Variants in ATP13A3 observed in about 807,000 individuals in gnomAD.
The protein encoded by ATP13A3 is polyamine-transporting ATPase 13A3.
In ATP13A3, 59 loss-of-function variants were observed where a neutral mutation model predicts 158.1. The observed-to-expected ratio is 0.37, with a 90% CI of 0.30 to 0.46. The LOEUF (loss-of-function observed/expected upper bound fraction) is 0.46. Ranked by LOEUF, ATP13A3 falls within the 20% of genes least tolerant of loss-of-function variation. ATP13A3 has a pLI of 1.00. For synonymous variants in ATP13A3, 491 were observed against 504.3 expected (o/e 0.97, Z 0.35); for missense variants, 1,166 against 1,525.2 (o/e 0.76, Z 3.92).
At position 194,468,434 on chromosome 3, in the gene ATP13A3, A is replaced by G. The variant is rs923011908; in HGVS notation, c.-46-6198T>C. 2.5e-5 allele frequency among the ~76,000 whole-genome samples: 3 copies of G among 117,988 alleles called. No individual in the cohort carries two copies. In the East Asian group the frequency reaches 6.7e-4, roughly 26 times the overall value. 77.4% of individuals were successfully genotyped at this position (117,988 alleles called of 152,430 possible). ...TATGGGACAAAGTGAAGCTACTGGG[A>G]AAAAAAATCTCACTACATTAAATAT... is the stretch of plus-strand genomic sequence containing the variant. On this transcript the variant is annotated intron_variant, in intron 2 of 33. Coordinates refer to ENST00000645319, the MANE Select transcript of ATP13A3 (RefSeq NM_001367549.1).
intron 6 of ATP13A3, 189 bp downstream of exon 6, chr3:194,459,282 C>G (rs1719467615): frequency 1.8e-6 from 1 of 557,416 alleles, no homozygotes; most frequent in African/African-American, 1.9e-5. Flanking sequence ...ATGGTGCAAG[C>G]TGCGGTGGGA....
chr3:194,426,959 A>T, intron 29 of ATP13A3, 116 bp downstream of exon 29: 2 of 1,081,318 alleles, frequency 1.8e-6, no homozygotes, highest in Non-Finnish European at 2.7e-6. Flanking sequence ...TACTAGGACT[A>T]CAGGTGTGAG....
intron 33 of ATP13A3, among the ~76,000 whole-genome samples, chr3:194,409,086 A>C (rs2108705548): frequency 6.6e-6 from 1 of 152,358 alleles, no homozygotes. Context: ...CAGTGACCAA[A>C]TTCATCCCCT....
intron 28 of ATP13A3, among the ~76,000 whole-genome samples, chr3:194,428,220 C>CAAAAAAA (rs1188178641): frequency 3.5e-5 from 2 of 57,942 alleles, no homozygotes; most frequent in Non-Finnish European, 6.5e-5. Flanking sequence ...GACTCTGTCT[C>CAAAAAAA]AAAAAAAAAA....
intron 2 of ATP13A3, among the ~76,000 whole-genome samples, chr3:194,481,062 C>G (rs897469111): frequency 2.6e-5 from 4 of 152,132 alleles, no homozygotes; most frequent in Non-Finnish European, 5.9e-5. Context: ...ATTTTGACTA[C>G]ACAGGATTTT....
Position 194,403,186 on chromosome 3 carries a change from T to C in ATP13A3, c.*2733A>G, listed in dbSNP as rs1224351758. 6.6e-6 allele frequency: 1 copy of C among 152,236 alleles called. No individual in the cohort carries two copies. The highest frequency in any genetic ancestry group is 1.5e-5 in the Non-Finnish European group (1 of 68,036). The allele number at this position is 152,236 out of a possible 1,614,324, so 9.4% of individuals were successfully genotyped here. ...ATATTATTTACCATGCCTTTGAAACTGTGCAGGACTTTCATAAACATGGGG... is the reference window on the plus strand; with the variant it reads ...ATATTATTTACCATGCCTTTGAAACCGTGCAGGACTTTCATAAACATGGGG... On this transcript the variant is annotated 3_prime_UTR_variant, in exon 34 of 34. Transcript: ENST00000645319.
intron 24 of ATP13A3, 77 bp downstream of exon 24, chr3:194,430,865 AT>A (rs1317594239): frequency 1.4e-5 from 16 of 1,140,274 alleles, no homozygotes; most frequent in Non-Finnish European, 2.0e-5. Flanking sequence ...TAAGAAACAT[AT>A]AAAAATTATT....
rs1217596489 is a variant in ATP13A3 at position 194,441,480 on chromosome 3, G to C, written c.1560-19C>G. On this transcript the variant is annotated intron_variant, in intron 15 of 33. Coordinates refer to ENST00000645319, the MANE Select transcript of ATP13A3 (RefSeq NM_001367549.1). ...AAGAAATCTAAGCAGAAGACACACT[G>C]AATTAGTTTCATAAATTCTAAGATT... 6.3e-7 allele frequency: 1 copy of C among 1,598,282 alleles called. No individual in the cohort carries two copies. Among genetic ancestry groups the C allele is most frequent in the East Asian group, 2.2e-5 (1 of 44,712 alleles).
chr3:194,487,154 A>AAAAG (rs1407344050), upstream of ATP13A3, among the ~76,000 whole-genome samples: 5 of 152,202 alleles, frequency 3.3e-5, no homozygotes, highest in South Asian at 1.0e-3. Flanking sequence ...TCGAACGGGC[A>AAAAG]AAAGAAAGAA....
intron 33 of ATP13A3, among the ~76,000 whole-genome samples, chr3:194,408,310 C>T (rs952444759): frequency 8.5e-5 from 13 of 152,292 alleles, no homozygotes; most frequent in Admixed American, 8.5e-4. Flanking sequence ...CATAAGCCGC[C>T]GCACCTGGCC....
intron 2 of ATP13A3, among the ~76,000 whole-genome samples, chr3:194,473,058 G>A (rs1384092020): frequency 1.3e-5 from 2 of 152,158 alleles, no homozygotes; most frequent in African/African-American, 4.8e-5. Flanking sequence ...CTACCTGGTT[G>A]ATGGGATTAA....
At chr3:194,437,253 G>A in intron 19 of ATP13A3, 38 bp from the exon 20 acceptor site, 1 of 1,613,678 alleles carries the variant, frequency 6.2e-7, no homozygotes, top group Non-Finnish European at 8.5e-7. Flanking sequence ...TGTTAGAGTT[G>A]CTAATACAAG....
intron 2 of ATP13A3, among the ~76,000 whole-genome samples, chr3:194,477,774 C>T (rs566403329): frequency 3.9e-5 from 6 of 152,266 alleles, no homozygotes; most frequent in Admixed American, 2.0e-4. Context: ...GACTGGGCCC[C>T]CCAGAAGTGT....
chr3:194,454,463 T>C (rs1379642621), intron 8 of ATP13A3, 71 bp from the exon 9 acceptor site: 8 of 1,425,664 alleles, frequency 5.6e-6, no homozygotes, highest in South Asian at 4.8e-5. Context: ...ATCTTTTCAT[T>C]TGACAAACAA....
upstream of ATP13A3, among the ~76,000 whole-genome samples, chr3:194,489,759 T>C (rs1294682028): frequency 6.6e-6 from 1 of 152,118 alleles, no homozygotes; most frequent in Non-Finnish European, 1.5e-5. The surrounding 1 kb of genome is among the most constrained non-coding windows in gnomAD (Gnocchi z 4.1). Context: ...CTGTTACAGA[T>C]GTTTTGAGAA....
intron 14 of ATP13A3, among the ~76,000 whole-genome samples, chr3:194,446,468 T>C (rs1718415888): frequency 6.6e-6 from 1 of 152,212 alleles, no homozygotes; most frequent in Non-Finnish European, 1.5e-5. Flanking sequence ...GTTCCGCCAG[T>C]TGCTGAGATA....
chr3:194,480,805 G>A (rs1720720343), intron 2 of ATP13A3, among the ~76,000 whole-genome samples: 1 of 152,180 alleles, frequency 6.6e-6, no homozygotes, highest in African/African-American at 2.4e-5. Context: ...ATGATAGTAT[G>A]CCTTCCTTTA....
chr3:194,441,583 A>C lies in ATP13A3; in HGVS notation c.1560-122T>G, dbSNP rs1718055711. 8 of 861,720 alleles carry C rather than the reference A, an allele frequency of 9.3e-6. No homozygotes were observed. The South Asian group carries it at 1.6e-4, about 18-fold the overall frequency. The allele number at this position is 861,720 out of a possible 1,614,324, so 53.4% of individuals were successfully genotyped here. A position where few individuals can be genotyped will look rare whatever the true frequency, so the allele number is the denominator to read the frequency against. ...TTTTAAATCCCAATCTGAGCTCCTA[A>C]GAAAGAGAAACTGTCAAGTGTCAGA... On this transcript the variant is annotated intron_variant, in intron 15 of 33. Transcript: ENST00000645319.
intron 32 of ATP13A3, among the ~76,000 whole-genome samples, chr3:194,413,314 T>C (rs1482582658): frequency 1.3e-5 from 2 of 152,230 alleles, no homozygotes; most frequent in Admixed American, 6.5e-5. Flanking sequence ...TATTTTATAC[T>C]TTCATTAAAC....
Sources: gnomAD v4.1 joint callset for allele counts (sites outside exome capture counted in the v4.1 genomes callset) on GRCh38, gnomAD v4.1.1 for gene constraint, Gnocchi (gnomAD v3.1) non-coding constraint, MANE v1.5 for transcripts, NCBI Gene and HGNC (gene_info 2026-07-23, HGNC 2026-07-21) for gene names.